Variants in ASCC3 observed in about 807,000 individuals in gnomAD.
ASCC3 encodes ASC-1 complex subunit P200.
A neutral mutation model predicts 256.3 loss-of-function variants in ASCC3; 158 were observed. The observed-to-expected ratio is 0.62, with a 90% CI of 0.54 to 0.70. The LOEUF (loss-of-function observed/expected upper bound fraction) is 0.70, where lower values mean the gene tolerates loss of function less well. Among genes scored for constraint, ASCC3 ranks in the 30% least tolerant of loss-of-function variants. The probability of loss-of-function intolerance (pLI) is 0.00; values close to 1 mark genes in which losing one functional copy is unlikely to be tolerated. For missense variants in ASCC3, 2,259 were observed against 2,626.0 expected, an observed-to-expected ratio of 0.86 and a Z score of 3.05; for synonymous variants, 948 against 883.4, an observed-to-expected ratio of 1.07 and a Z score of -1.30.
At chr6:100,570,487 T>C (rs1770529678) in intron 36 of ASCC3, among the ~76,000 whole-genome samples, 1 of 152,158 alleles carries the variant, frequency 6.6e-6, no homozygotes, top group East Asian at 1.9e-4. Flanking sequence ...AGATACTTTT[T>C]TCCACCTGGT....
intron 14 of ASCC3, among the ~76,000 whole-genome samples, chr6:100,672,570 T>C (rs117624770): frequency 1.3e-5 from 2 of 152,104 alleles, no homozygotes; most frequent in African/African-American, 4.8e-5. Context: ...AGATGTACTA[T>C]ACATTCAAAA....
intron 4 of ASCC3, among the ~76,000 whole-genome samples, chr6:100,816,240 C>T (rs898717537): frequency 4.6e-5 from 7 of 151,868 alleles, no homozygotes; most frequent in Non-Finnish European, 1.0e-4. Flanking sequence ...ATGGCTATTA[C>T]TAAAAAGTCA....
chr6:100,705,268 T>C (rs1227345619), intron 13 of ASCC3, among the ~76,000 whole-genome samples: 1 of 152,066 alleles, frequency 6.6e-6, no homozygotes, highest in East Asian at 1.9e-4. Context: ...TAAGGCAAAG[T>C]TGCACATAAA....
chr6:100,644,212 T>G, intron 22 of ASCC3, 83 bp from the exon 23 acceptor site: 1 of 886,862 alleles, frequency 1.1e-6, no homozygotes, highest in East Asian at 2.4e-5. Flanking sequence ...TCTAGAAGCT[T>G]TATTGATATA....
In ASCC3 at chr6:100,841,420, T is replaced by C. The variant is rs573936894; in HGVS notation, c.801+6728A>G. ...AAGAAAAGATAAAAGTCATGGATTG[T>C]GAAAACTACTTAATTGTAAGCTTAA... On this transcript the variant is annotated intron_variant, in intron 4 of 41. Coordinates refer to ENST00000369162, the MANE Select transcript of ASCC3 (RefSeq NM_006828.4). 4.6e-5 allele frequency among the ~76,000 whole-genome samples: 7 copies of C among 152,254 alleles called. No homozygotes were observed. In the East Asian group the frequency reaches 1.4e-3, roughly 29 times the overall value.
chr6:100,545,027 TATAA>T (rs759749083), intron 36 of ASCC3, among the ~76,000 whole-genome samples: 16 of 152,124 alleles, frequency 1.1e-4, no homozygotes, highest in Non-Finnish European at 2.2e-4. Flanking sequence ...TAATTCACCT[TATAA>T]ATAAACTTTA....
chr6:100,583,744 T>C (rs1169999625), intron 36 of ASCC3, among the ~76,000 whole-genome samples: 1 of 152,224 alleles, frequency 6.6e-6, no homozygotes, highest in Non-Finnish European at 1.5e-5. Context: ...AATTTCCCTC[T>C]ACACACTGCT....
intron 8 of ASCC3, among the ~76,000 whole-genome samples, chr6:100,769,260 T>C (rs1038031549): frequency 2.0e-5 from 3 of 151,924 alleles, no homozygotes; most frequent in African/African-American, 7.2e-5. Flanking sequence ...GGTCAATGAG[T>C]TCAAAGTTAT....
Position 100,848,467 on chromosome 6 carries a change from A to C in ASCC3, c.482T>G (p.Val161Gly), listed in dbSNP as rs966186693. ...AAATGCTAAATTTTTACCAAAAAAA[A>C]CCCTATCGCCATGTTCTTTTTCTGT... Reference protein sequence around the residue: ...QMTEKEHGDRVFFGKNLAFSF... With the variant: ...QMTEKEHGDRGFFGKNLAFSF... Residue 161 changes from valine to glycine, a missense_variant, in exon 4 of 42, where the codon GTT (valine) becomes GGT (glycine). Val to Gly is a moderately radical substitution (Grantham distance 109, BLOSUM62 -3). This residue lies in a region of ASCC3 where 420 missense variants were observed against 419.3 expected (regional missense o/e 1.00). Transcript: ENST00000369162. 1.2e-6 allele frequency: 2 copies of C among 1,611,374 alleles called. No individual in the cohort carries two copies. The highest frequency in any genetic ancestry group is 1.7e-6 in the Non-Finnish European group (2 of 1,178,674).
chr6:100,841,810 G>A lies in ASCC3; in HGVS notation c.801+6338C>T, dbSNP rs547667123. ...CACATATAGGACTGAATGGCAGTAG[G>A]AGTATTATCAGTTAGCAAAAGAAAT... On this transcript the variant is annotated intron_variant, in intron 4 of 41. Coordinates refer to ENST00000369162, the MANE Select transcript of ASCC3 (RefSeq NM_006828.4). Among the ~76,000 whole-genome samples, 3 of 152,208 alleles carry A rather than the reference G, an allele frequency of 2.0e-5. No individual in the cohort carries two copies. In the East Asian group the frequency reaches 5.8e-4, roughly 29 times the overall value.
At chr6:100,724,129 A>C (rs1641968724) in intron 11 of ASCC3, among the ~76,000 whole-genome samples, 1 of 143,578 alleles carries the variant, frequency 7.0e-6, no homozygotes, top group African/African-American at 2.5e-5. Flanking sequence ...AAGGCTGAGA[A>C]AGAGTAGCTA....
chr6:100,596,793 A>T (rs1772326043), intron 34 of ASCC3, among the ~76,000 whole-genome samples: 1 of 152,166 alleles, frequency 6.6e-6, no homozygotes, highest in South Asian at 2.1e-4. Flanking sequence ...AATAGATCCC[A>T]TCTGTCCCCT....
intron 13 of ASCC3, among the ~76,000 whole-genome samples, chr6:100,711,536 G>A (rs1184288014): frequency 6.6e-6 from 1 of 152,158 alleles, no homozygotes; most frequent in African/African-American, 2.4e-5. Context: ...AGACTAGCCT[G>A]ACCAACATGG....
chr6:100,546,566 T>A (rs938574952), intron 36 of ASCC3, among the ~76,000 whole-genome samples: 2 of 151,990 alleles, frequency 1.3e-5, no homozygotes, highest in Admixed American at 6.5e-5. Context: ...CTCAGAAAAA[T>A]ACAGTGAACG....
intron 36 of ASCC3, among the ~76,000 whole-genome samples, chr6:100,569,523 C>T (rs539610345): frequency 6.6e-6 from 1 of 152,186 alleles, no homozygotes; most frequent in South Asian, 2.1e-4. Context: ...GCTGGGACTA[C>T]AGGACCCCAC....
At chr6:100,872,824 C>G (rs995345958) in intron 1 of ASCC3, among the ~76,000 whole-genome samples, 4 of 152,128 alleles carry the variant, frequency 2.6e-5, no homozygotes, top group Non-Finnish European at 5.9e-5. Context: ...GAAGCCATAT[C>G]CCTAGGAAAA....
chr6:100,782,126 A>C (rs1043309571), intron 8 of ASCC3, among the ~76,000 whole-genome samples: 9 of 152,146 alleles, frequency 5.9e-5, no homozygotes, highest in African/African-American at 2.2e-4. Context: ...TGTATAGTCC[A>C]ACTAGGGTTC....
intron 8 of ASCC3, among the ~76,000 whole-genome samples, chr6:100,783,927 G>T (rs1245150329): frequency 6.6e-6 from 1 of 152,086 alleles, no homozygotes; most frequent in Non-Finnish European, 1.5e-5. Flanking sequence ...TTATGCGGTA[G>T]GTCTTTTTAT....
At chr6:100,815,571 T>C (rs573014745) in intron 4 of ASCC3, among the ~76,000 whole-genome samples, 1 of 152,050 alleles carries the variant, frequency 6.6e-6, no homozygotes, top group Non-Finnish European at 1.5e-5. Flanking sequence ...AACTGATATA[T>C]AGACAAATAG....
Sources: allele counts gnomAD v4.1 joint callset (sites outside exome capture counted in the v4.1 genomes callset), GRCh38; gene constraint gnomAD v4.1.1; regional missense constraint gnomAD v4.1.1; transcripts MANE v1.5; gene names NCBI Gene and HGNC (gene_info 2026-07-23, HGNC 2026-07-21).